GRM7: variants seen among roughly 807,000 people sequenced by gnomAD.
The protein encoded by GRM7 is metabotropic glutamate receptor 7.
In GRM7, 35 loss-of-function variants were observed where a neutral mutation model predicts 84.5. The ratio of observed to expected loss-of-function variants is 0.41; its 90% CI spans 0.32 to 0.55. The LOEUF (loss-of-function observed/expected upper bound fraction) is 0.55. Ranked by LOEUF, GRM7 falls within the 20% of genes least tolerant of loss-of-function variation. The pLI is 0.19. For missense variants in GRM7, 1,003 were observed against 1,194.6 expected, an observed-to-expected ratio of 0.84 and a Z score of 2.36; for synonymous variants, 487 against 455.1, an observed-to-expected ratio of 1.07 and a Z score of -0.89.
chr3:7,567,001 G>A (rs925783603), intron 7 of GRM7, among the ~76,000 whole-genome samples: 8 of 152,154 alleles, frequency 5.3e-5, no homozygotes, highest in African/African-American at 1.7e-4. Flanking sequence ...CATTAAAATA[G>A]TAAATACAGG....
chr3:7,348,903 T>C (rs562086339), intron 4 of GRM7, among the ~76,000 whole-genome samples: 2 of 152,200 alleles, frequency 1.3e-5, no homozygotes, highest in East Asian at 3.9e-4. Flanking sequence ...ATGAATAACA[T>C]ACATGTAATT....
intron 8 of GRM7, among the ~76,000 whole-genome samples, chr3:7,679,035 G>GAT (rs1700251345): frequency 6.6e-6 from 1 of 152,182 alleles, no homozygotes; most frequent in Non-Finnish European, 1.5e-5. Context: ...AAATGATCAA[G>GAT]ATACTGAGTG....
At chr3:7,379,392 C>A (rs996749872) in intron 4 of GRM7, among the ~76,000 whole-genome samples, 1 of 152,094 alleles carries the variant, frequency 6.6e-6, no homozygotes, top group African/African-American at 2.4e-5. Flanking sequence ...CATGCCCAGA[C>A]TCTTCTGTGA....
chr3:7,710,778 C>T (rs1373555805), intron 9 of GRM7, among the ~76,000 whole-genome samples: 1 of 152,148 alleles, frequency 6.6e-6, no homozygotes, highest in South Asian at 2.1e-4. Flanking sequence ...AAAGATCTTG[C>T]CCTAGTCTTA....
chr3:6,961,618 C>T (rs1335518595), intron 1 of GRM7, among the ~76,000 whole-genome samples: 1 of 152,206 alleles, frequency 6.6e-6, no homozygotes, highest in Admixed American at 6.5e-5. Flanking sequence ...CTTTTTACTT[C>T]CATTGATTCT....
intron 8 of GRM7, among the ~76,000 whole-genome samples, chr3:7,668,777 G>A (rs1168941422): frequency 6.6e-6 from 1 of 152,168 alleles, no homozygotes; most frequent in Non-Finnish European, 1.5e-5. Context: ...GAGTGACTTC[G>A]AATTTTGCAT....
At chr3:7,675,779 G>T (rs1354914504) in intron 8 of GRM7, among the ~76,000 whole-genome samples, 2 of 152,156 alleles carry the variant, frequency 1.3e-5, no homozygotes. Context: ...CGTATCCTTA[G>T]ATCTAAACCC....
At chr3:7,480,923 A>C (rs1699103849) in intron 7 of GRM7, among the ~76,000 whole-genome samples, 1 of 152,212 alleles carries the variant, frequency 6.6e-6, no homozygotes, top group African/African-American at 2.4e-5. Context: ...GAAAAACAAA[A>C]TATATTTAAA....
rs77676975 is a variant in GRM7 at position 7,093,750 on chromosome 3, C to G, written c.520-52702C>G. ...GGCCTTTGCTCTTTTACATTTAAGA[C>G]ATTGGAAGGAAGCAGAAAGTTCTGT... On this transcript the variant is annotated intron_variant, in intron 1 of 9. Coordinates refer to ENST00000357716, the MANE Select transcript of GRM7 (RefSeq NM_000844.4). Among the ~76,000 whole-genome samples the G allele has an allele frequency of 2.8e-3, 306 of 107,846 alleles. 16 individuals are homozygous for G. The highest frequency in any genetic ancestry group is 0.024 in the Admixed American group (202 of 8,456). 70.8% of individuals were successfully genotyped at this position (107,846 alleles called of 152,430 possible).
chr3:6,915,077 G>C (rs1026169517), intron 1 of GRM7, among the ~76,000 whole-genome samples: 31 of 152,122 alleles, frequency 2.0e-4, no homozygotes, highest in African/African-American at 7.2e-4. Context: ...AGGACTTACT[G>C]CTCCAGGTCC....
At chr3:7,729,178 T>G (rs1185457744) in intron 9 of GRM7, among the ~76,000 whole-genome samples, 1 of 152,116 alleles carries the variant, frequency 6.6e-6, no homozygotes, top group African/African-American at 2.4e-5. Flanking sequence ...ACATCAATAC[T>G]TATGGCGTTT....
rs182394797 is a variant in GRM7, at chr3:7,484,830, C to G, written c.1515+23108C>G. On this transcript the variant is annotated intron_variant, in intron 7 of 9. Transcript: ENST00000357716. ...TTTGTGTGTCTGCCAAAGCTAGTGA[C>G]TCATTCTTAACAAATGAAATAGACA... is the stretch of plus-strand genomic sequence containing the variant. Among the ~76,000 whole-genome samples, 1,009 of 152,272 alleles carry G rather than the reference C, an allele frequency of 6.6e-3. 15 individuals are homozygous for G. Among genetic ancestry groups the G allele is most frequent in the African/African-American group, 0.022 (898 of 41,544 alleles).
chr3:7,675,962 CAGAG>C (rs997667310), intron 8 of GRM7, among the ~76,000 whole-genome samples: 8 of 151,912 alleles, frequency 5.3e-5, no homozygotes, highest in Non-Finnish European at 1.0e-4. Flanking sequence ...AACTGAAAGA[CAGAG>C]AGAATAGTTA....
chr3:7,231,954 A>G (rs1697209659), intron 2 of GRM7, among the ~76,000 whole-genome samples: 1 of 152,196 alleles, frequency 6.6e-6, no homozygotes. Flanking sequence ...CTGCTGAGGG[A>G]GAGAGATGTG....
At chr3:7,152,320 C>T (rs1694311157) in intron 2 of GRM7, among the ~76,000 whole-genome samples, 1 of 152,148 alleles carries the variant, frequency 6.6e-6, no homozygotes, top group Non-Finnish European at 1.5e-5. Context: ...AATAATCCCT[C>T]CAATATAGTA....
At chr3:7,395,872 A>G (rs1695192830) in intron 4 of GRM7, among the ~76,000 whole-genome samples, 1 of 152,112 alleles carries the variant, frequency 6.6e-6, no homozygotes, top group Admixed American at 6.6e-5. Context: ...GTTAATGATA[A>G]TATATTTTCA....
intron 7 of GRM7, among the ~76,000 whole-genome samples, chr3:7,547,404 C>T (rs755994593): frequency 3.3e-5 from 5 of 151,902 alleles, no homozygotes; most frequent in Non-Finnish European, 7.4e-5. Flanking sequence ...GATGGGGTTT[C>T]ACTGTGTTAG....
intron 1 of GRM7, among the ~76,000 whole-genome samples, chr3:7,134,426 A>G (rs1217661408): frequency 2.9e-5 from 4 of 137,414 alleles, no homozygotes; most frequent in African/African-American, 1.2e-4. Flanking sequence ...AATCATCATC[A>G]TCGTCATCAT....
intron 1 of GRM7, among the ~76,000 whole-genome samples, chr3:6,924,460 A>G (rs1697231510): frequency 1.3e-5 from 2 of 151,842 alleles, no homozygotes; most frequent in Admixed American, 1.3e-4. Flanking sequence ...TACTTACACC[A>G]ATTAAATATG....
Sources: allele counts gnomAD v4.1 joint callset (sites outside exome capture counted in the v4.1 genomes callset), GRCh38; gene constraint gnomAD v4.1.1; transcripts MANE v1.5; gene names NCBI Gene and HGNC (gene_info 2026-07-23, HGNC 2026-07-21).